USF3: variants seen among roughly 807,000 people sequenced by gnomAD.
The protein encoded by USF3 is upstream transcription factor family member 3.
A neutral mutation model predicts 157.5 loss-of-function variants in USF3; 29 were observed. That is an observed-to-expected ratio of 0.18 (90% CI 0.14 to 0.25). The LOEUF is 0.25. Among genes scored for constraint, USF3 ranks in the 10% least tolerant of loss-of-function variants. The pLI is 1.00. For missense variants in USF3, 2,381 were observed against 2,667.6 expected, an observed-to-expected ratio of 0.89 and a Z score of 2.37; for synonymous variants, 893 against 941.4, an observed-to-expected ratio of 0.95 and a Z score of 0.94.
Position 113,659,148 on chromosome 3 carries a change from G to A in USF3, c.2534C>T (p.Pro845Leu), listed in dbSNP as rs2107923511. 3 of 1,614,190 alleles carry A rather than the reference G, an allele frequency of 1.9e-6. No homozygotes were observed. Among genetic ancestry groups the A allele is most frequent in the Non-Finnish European group, 2.5e-6 (3 of 1,180,036 alleles). Residue 845 changes from proline (P) to leucine (L), a missense_variant, in exon 7 of 7, where the codon CCT becomes CTT. By Grantham distance (98) the Pro-to-Leu change is moderately conservative. Around this residue, in one of 6 missense-constraint regions of USF3, gnomAD observed 1,435 missense variants for 1,550.9 expected, o/e 0.93. Coordinates refer to ENST00000316407, the MANE Select transcript of USF3 (RefSeq NM_001009899.4). ...PCNDGLLESF[P>L]AVLPSVSVSQ... ...CACAGAGACAGATGGTAACACAGCAGGGAAGCTTTCTAGCAGTCCATCATT... is the reference window on the plus strand; with the variant it reads ...CACAGAGACAGATGGTAACACAGCAAGGAAGCTTTCTAGCAGTCCATCATT...
chr3:113,670,373 TG>T, intron 4 of USF3, 170 bp from the exon 5 acceptor site: 1 of 591,248 alleles, frequency 1.7e-6, no homozygotes, highest in Non-Finnish European at 3.0e-6. Flanking sequence ...CCAAGGCGGG[TG>T]GATCACCTGA....
chr3:113,696,571 G>A lies in USF3; in HGVS notation c.-336C>T, dbSNP rs888916972. 3 of 147,230 alleles carry A rather than the reference G, an allele frequency of 2.0e-5. No homozygotes were observed. The highest frequency in any genetic ancestry group is 5.1e-5 in the African/African-American group (2 of 39,316). 9.1% of individuals were successfully genotyped at this position (147,230 alleles called of 1,614,324 possible). A position where few individuals can be genotyped will look rare whatever the true frequency, so the allele number is the denominator to read the frequency against. ...CCCCGCCCCCGCCGCCTCTTTTTGC[G>A]GCCACCGCAGCCGCTGCGAGCCCGA... On this transcript the variant is annotated 5_prime_UTR_variant, in exon 1 of 7. Transcript: ENST00000316407.
At chr3:113,685,151 C>T (rs1490098705) in intron 1 of USF3, among the ~76,000 whole-genome samples, 1 of 152,142 alleles carries the variant, frequency 6.6e-6, no homozygotes. Context: ...CCAGAATTCC[C>T]TAATGTATCA....
rs563009247 is a variant in USF3, at chr3:113,688,812, G to A, written c.-135+7558C>T. On this transcript the variant is annotated intron_variant, in intron 1 of 6. Transcript: ENST00000316407. The stretch of plus-strand genomic sequence containing the variant: ...CCCCAGCACTTTGGGAGGCTGAGGC[G>A]GGTGGATCACGAGGTCAGGAGATTG... 1.8e-3 allele frequency among the ~76,000 whole-genome samples: 267 copies of A among 152,158 alleles called. 1 individual carries two copies. Among genetic ancestry groups the A allele is most frequent in the African/African-American group, 6.1e-3 (252 of 41,504 alleles).
rs774994696 is a variant in USF3 at position 113,657,133 on chromosome 3, G to A, written c.4549C>T (p.Gln1517Ter). Residue 1517 changes from glutamine to a stop codon, truncating the protein, a stop_gained, in exon 7 of 7, where the codon CAG becomes TAG. Coordinates refer to ENST00000316407, the MANE Select transcript of USF3 (RefSeq NM_001009899.4). LOFTEE classifies it high-confidence loss of function. ...CTCTTTTTCTGCATCTGAACTTCCT[G>A]TTGCAGAGTCCTCTGTTGGTGGACA... ...HNVHQQRTLQ[Q>*]EVQMQKKRNL... 6.2e-7 allele frequency: 1 copy of A among 1,614,170 alleles called. No individual in the cohort carries two copies. The highest frequency in any genetic ancestry group is 8.5e-7 in the Non-Finnish European group (1 of 1,180,018).
rs540478053 is a variant in USF3 at position 113,665,364 on chromosome 3, C to T, written c.160-955G>A. On this transcript the variant is annotated intron_variant, in intron 5 of 6. Transcript: ENST00000316407. ...TTATTCTTTACTCTGTTTACCACAA[C>T]TACGAATTATTCTAAATAATAGGCC... is the stretch of plus-strand genomic sequence containing the variant. Among the ~76,000 whole-genome samples, 3 of 152,326 alleles carry T rather than the reference C, an allele frequency of 2.0e-5. No individual in the cohort carries two copies. In the South Asian group the frequency reaches 6.2e-4, roughly 32 times the overall value.
chr3:113,668,376 C>T (rs748345775), intron 5 of USF3, among the ~76,000 whole-genome samples: 5 of 151,902 alleles, frequency 3.3e-5, no homozygotes, highest in Non-Finnish European at 5.9e-5. Context: ...TAATAGCAAC[C>T]TCTTCCTCTT....
At chr3:113,693,255 T>G (rs545833498) in intron 1 of USF3, among the ~76,000 whole-genome samples, 1 of 152,314 alleles carries the variant, frequency 6.6e-6, no homozygotes, top group African/African-American at 2.4e-5. Flanking sequence ...TTAGTGGAGT[T>G]CTATTTCTGC....
chr3:113,670,244 T>G (rs1384917925), intron 4 of USF3, 41 bp from the exon 5 acceptor site: 1 of 1,142,978 alleles, frequency 8.7e-7, no homozygotes, highest in African/African-American at 1.5e-5. Flanking sequence ...TTACACTACT[T>G]AGTCAAAGTG....
At position 113,652,933 on chromosome 3, in the gene USF3, T is replaced by TG; in HGVS notation, c.*2010dup. The stretch of plus-strand genomic sequence containing the variant: ...GATCCTGCCATTGTAGACTCCAGCC[T>TG]GGGTGACAAAGTGACCTTGAATATC... On this transcript the variant is annotated 3_prime_UTR_variant, in exon 7 of 7. Coordinates refer to ENST00000316407, the MANE Select transcript of USF3 (RefSeq NM_001009899.4). 2 of 712,772 alleles carry TG rather than the reference T, an allele frequency of 2.8e-6. No individual in the cohort carries two copies. The highest frequency in any genetic ancestry group is 4.4e-6 in the Non-Finnish European group (2 of 459,482). 44.2% of individuals were successfully genotyped at this position (712,772 alleles called of 1,614,324 possible).
At chr3:113,673,892 C>T (rs1444786306) in intron 3 of USF3, among the ~76,000 whole-genome samples, 1 of 152,136 alleles carries the variant, frequency 6.6e-6, no homozygotes, top group African/African-American at 2.4e-5. Flanking sequence ...TATTTGTGTA[C>T]CTCAGGTTGT....
chr3:113,658,254 T>G lies in USF3; in HGVS notation c.3428A>C (p.Gln1143Pro). 6.2e-7 allele frequency: 1 copy of G among 1,614,152 alleles called. No individual in the cohort carries two copies. The highest frequency in any genetic ancestry group is 1.1e-5 in the South Asian group (1 of 91,076). ...AACTCTCCCCTTCTCAAGGTTCTCC[T>G]GGTCAAAAATAGCTCTTGCTGCAAG... Reference protein sequence around the residue: ...VALAARAIFDQENLEKGRVGL... With the variant: ...VALAARAIFDPENLEKGRVGL... Residue 1143 changes from glutamine (Q) to proline (P), a missense_variant, in exon 7 of 7, where the codon CAG becomes CCG. By Grantham distance (76) the Gln-to-Pro change is moderately conservative (BLOSUM62 -1). Around this residue, in one of 6 missense-constraint regions of USF3, gnomAD observed 1,435 missense variants for 1,550.9 expected, o/e 0.93. Coordinates refer to ENST00000316407, the MANE Select transcript of USF3 (RefSeq NM_001009899.4).
intron 1 of USF3, among the ~76,000 whole-genome samples, chr3:113,688,286 T>G (rs1707602806): frequency 6.6e-6 from 1 of 152,130 alleles, no homozygotes; most frequent in African/African-American, 2.4e-5. Context: ...ACCCGGCTAA[T>G]TTTTTGTATC....
rs990729108 is a variant in USF3 at position 113,654,029 on chromosome 3, T to C, written c.*915A>G. The C allele has an allele frequency of 6.6e-6, 1 of 152,236 alleles. No individual in the cohort carries two copies. Among genetic ancestry groups the C allele is most frequent in the Non-Finnish European group, 1.5e-5 (1 of 68,026 alleles). 9.4% of individuals were successfully genotyped at this position (152,236 alleles called of 1,614,324 possible). On this transcript the variant is annotated 3_prime_UTR_variant, in exon 7 of 7. Coordinates refer to ENST00000316407, the MANE Select transcript of USF3 (RefSeq NM_001009899.4). ...TTCCTGATCAATCCTAATATTTAAA[T>C]GAATGCAAAAGAATTTATTTCAAGA...
At chr3:113,676,445 T>C (rs1276342716) in intron 2 of USF3, among the ~76,000 whole-genome samples, 1 of 152,076 alleles carries the variant, frequency 6.6e-6, no homozygotes, top group Non-Finnish European at 1.5e-5. Context: ...GAAGGAGAAG[T>C]GGTGAGCAAA....
At chr3:113,664,802 TC>T (rs1430034040) in intron 5 of USF3, among the ~76,000 whole-genome samples, 1 of 152,138 alleles carries the variant, frequency 6.6e-6, no homozygotes, top group African/African-American at 2.4e-5. Flanking sequence ...TAAACCCTTA[TC>T]CCCAGTGTGA....
At chr3:113,695,184 T>C (rs9881563) in intron 1 of USF3, among the ~76,000 whole-genome samples, 48,436 of 152,188 alleles carry the variant, frequency 0.32, 7,800 homozygotes, top group Non-Finnish European at 0.35. Context: ...CTTGCATGGA[T>C]ACATTACACT....
At position 113,654,897 on chromosome 3, in the gene USF3, T is replaced by A; in HGVS notation, c.*47A>T. ...ATGTCTGTGCACATGCACGCACAAA[T>A]ACATTTGTAATCTCACTCATTACCT... On this transcript the variant is annotated 3_prime_UTR_variant, in exon 7 of 7. Coordinates refer to ENST00000316407, the MANE Select transcript of USF3 (RefSeq NM_001009899.4). The A allele has an allele frequency of 1.9e-6, 3 of 1,562,530 alleles. No homozygotes were observed. The highest frequency in any genetic ancestry group is 2.6e-6 in the Non-Finnish European group (3 of 1,151,908).
intron 1 of USF3, among the ~76,000 whole-genome samples, chr3:113,691,624 C>A (rs913335872): frequency 1.3e-5 from 2 of 152,182 alleles, no homozygotes; most frequent in African/African-American, 4.8e-5. Flanking sequence ...CTTGCTGAGG[C>A]TGAGTTAGCC....
Sources: gnomAD v4.1 joint callset for allele counts (sites outside exome capture counted in the v4.1 genomes callset) on GRCh38, gnomAD v4.1.1 for gene constraint, gnomAD v4.1.1 regional missense constraint, MANE v1.5 for transcripts, NCBI Gene and HGNC (gene_info 2026-07-23, HGNC 2026-07-21) for gene names.